The following ATP1A1 variants were observed in gnomAD, a reference collection of about 807,000 sequenced individuals.
ATP1A1 encodes the protein ATPase Na+/K+ transporting subunit alpha 1, also known as sodium/potassium-transporting ATPase subunit alpha-1.
In ATP1A1, 14 loss-of-function variants were observed where a neutral mutation model predicts 114.8. The ratio of observed to expected loss-of-function variants is 0.12; its 90% CI spans 0.08 to 0.19. The LOEUF (loss-of-function observed/expected upper bound fraction) is 0.19. ATP1A1 is among the 10% of genes least tolerant of loss of function. The probability of loss-of-function intolerance (pLI) is 1.00; values close to 1 mark genes in which losing one functional copy is unlikely to be tolerated. For missense variants in ATP1A1, 524 were observed against 1,290.7 expected (o/e 0.41, Z 9.10); for synonymous variants, 471 against 466.3 (o/e 1.01, Z -0.13).
At chr1:116,400,591 T>G (rs1484623023) in intron 18 of ATP1A1, among the ~76,000 whole-genome samples, 2 of 152,166 alleles carry the variant, frequency 1.3e-5, no homozygotes. Context: ...AGGTGGGCAT[T>G]TTGAGAGCAA....
At chr1:116,379,408 G>A (rs950385269) in intron 1 of ATP1A1, among the ~76,000 whole-genome samples, 1 of 152,234 alleles carries the variant, frequency 6.6e-6, no homozygotes, top group Non-Finnish European at 1.5e-5. Flanking sequence ...GTGATGTGCT[G>A]CTGCTGGGGC....
intron 1 of ATP1A1, chr1:116,374,258 T>C (rs1651203267): frequency 6.4e-7 from 1 of 1,551,752 alleles, no homozygotes; most frequent in Non-Finnish European, 8.7e-7. Context: ...TTTTGAGGGC[T>C]TTCTTGGGCC....
Position 116,396,502 on chromosome 1 carries a change from G to A in ATP1A1, c.1837-96G>A, listed in dbSNP as rs879250256. 3.5e-5 allele frequency: 51 copies of A among 1,451,006 alleles called. 1 individual carries two copies. The South Asian group carries it at 3.6e-4, about 10-fold the overall frequency. The allele number at this position is 1,451,006 out of a possible 1,614,324, so 89.9% of individuals were successfully genotyped here. On this transcript the variant is annotated intron_variant, in intron 13 of 22. Coordinates refer to ENST00000295598, the MANE Select transcript of ATP1A1 (RefSeq NM_000701.8). ...TCCTTTCCTTTTGATAGTCTAAGCC[G>A]AATCATCCTTAGTATTTACTCTTGC...
Position 116,389,682 on chromosome 1 carries a change from C to T in ATP1A1, c.998C>T (p.Pro333Leu), listed in dbSNP as rs1401759980. The change falls in exon 8 of 23, where the codon CCG becomes CTG. Residue 333 changes from proline to leucine, a missense_variant. Coordinates refer to ENST00000295598, the MANE Select transcript of ATP1A1 (RefSeq NM_000701.8). This position sits in a 1 kb window ranked among gnomAD's most constrained non-coding sequence, Gnocchi z 6.9. ...ATCGGTATCATCGTAGCCAATGTGC[C>T]GGAAGGTTTGCTGGCCACTGTCACG... ...FLIGIIVANV[P>L]EGLLATVTVC... 1 of 1,614,160 alleles carries T rather than the reference C, an allele frequency of 6.2e-7. No individual in the cohort carries two copies. Among genetic ancestry groups the T allele is most frequent in the Non-Finnish European group, 8.5e-7 (1 of 1,180,032 alleles).
In ATP1A1 at chr1:116,401,447, G is replaced by A; in HGVS notation, c.2850-107G>A. 7.0e-7 allele frequency: 1 copy of A among 1,421,754 alleles called. No individual in the cohort carries two copies. The highest frequency in any genetic ancestry group is 2.3e-5 in the East Asian group (1 of 43,752). 88.1% of individuals were successfully genotyped at this position (1,421,754 alleles called of 1,614,324 possible). On this transcript the variant is annotated intron_variant, in intron 20 of 22. Transcript: ENST00000295598. This position sits in a 1 kb window ranked among gnomAD's most constrained non-coding sequence, Gnocchi z 4.7. The stretch of plus-strand genomic sequence containing the variant: ...TTTCATCTGACCTCCAAGTTTTCAA[G>A]TACAGCTAATACATAAAGATGTTGA...
chr1:116,384,561 G>A lies in ATP1A1; in HGVS notation c.124-222G>A, dbSNP rs561602972. 5.9e-5 allele frequency among the ~76,000 whole-genome samples: 9 copies of A among 152,268 alleles called. No homozygotes were observed. Among genetic ancestry groups the A allele is most frequent in the Admixed American group, 2.6e-4 (4 of 15,298 alleles). ...GTTATGGCAAATAGTAATGGGCCAC[G>A]GTCACTCAGCTTTAGCCATTCTCCA... On this transcript the variant is annotated intron_variant, in intron 2 of 22. Transcript: ENST00000295598. This position sits in a 1 kb window ranked among gnomAD's most constrained non-coding sequence, Gnocchi z 5.1.
chr1:116,378,556 T>C (rs767186094), intron 1 of ATP1A1, among the ~76,000 whole-genome samples: 4 of 152,176 alleles, frequency 2.6e-5, no homozygotes, highest in Non-Finnish European at 5.9e-5. Flanking sequence ...TCTAGTCTGT[T>C]ACCATGTAGG....
In ATP1A1 at chr1:116,393,008, C is replaced by T; in HGVS notation, c.1467+20C>T. The stretch of plus-strand genomic sequence containing the variant: ...TACCAGGTCTGAAGATCGATGGGTA[C>T]ACGGAGGGCGAGGGCAAGCTGGGGG... On this transcript the variant is annotated intron_variant, in intron 11 of 22. Coordinates refer to ENST00000295598, the MANE Select transcript of ATP1A1 (RefSeq NM_000701.8). This position sits in a 1 kb window ranked among gnomAD's most constrained non-coding sequence, Gnocchi z 5.0. 1 of 1,612,728 alleles carries T rather than the reference C, an allele frequency of 6.2e-7. No individual in the cohort carries two copies. The highest frequency in any genetic ancestry group is 8.5e-7 in the Non-Finnish European group (1 of 1,179,312).
rs779635958 is a variant in ATP1A1 at position 116,387,256 on chromosome 1, G to GT, written c.184-29dup. On this transcript the variant is annotated intron_variant, in intron 3 of 22. Transcript: ENST00000295598. This position sits in a 1 kb window ranked among gnomAD's most constrained non-coding sequence, Gnocchi z 6.7. ...ATATTGCCTTGTAAGTGCTGGTACA[G>GT]TTTGCCTTATTTATATTCCACTGCT... 1.9e-6 allele frequency: 3 copies of GT among 1,612,594 alleles called. No individual in the cohort carries two copies. The African/African-American group carries it at 4.0e-5, about 22-fold the overall frequency.
rs745674065 is a variant in ATP1A1 at position 116,388,278 on chromosome 1, C to T, written c.501+34C>T. 2.7e-6 allele frequency: 4 copies of T among 1,480,662 alleles called. No individual in the cohort carries two copies. The highest frequency in any genetic ancestry group is 3.8e-6 in the Non-Finnish European group (4 of 1,059,016). 91.7% of individuals were successfully genotyped at this position (1,480,662 alleles called of 1,614,324 possible). Reference sequence around the variant, plus strand: ...CGCTTTGTCCTTCCCCAGTGGATGACTTGACAGCCCCAAGCATGTCAGCCT... The same window carrying T: ...CGCTTTGTCCTTCCCCAGTGGATGATTTGACAGCCCCAAGCATGTCAGCCT... On this transcript the variant is annotated intron_variant, in intron 5 of 22. Transcript: ENST00000295598. This position sits in a 1 kb window ranked among gnomAD's most constrained non-coding sequence, Gnocchi z 5.6.
At chr1:116,402,512 C>T (rs1653577087) in intron 21 of ATP1A1, among the ~76,000 whole-genome samples, 1 of 152,198 alleles carries the variant, frequency 6.6e-6, no homozygotes, top group South Asian at 2.1e-4. Context: ...TAACCAAAAC[C>T]CATCAGCCTC....
Position 116,373,507 on chromosome 1 carries a change from C to A in ATP1A1, c.-5C>A, listed in dbSNP as rs777532956. On this transcript the variant is annotated 5_prime_UTR_variant, in exon 1 of 23. Transcript: ENST00000295598. ...ACCCGGCGCCGGGCACTGAGCACCG[C>A]CACCATGGGGAAGGGGGTGAGTGTC... 6.7e-7 allele frequency: 1 copy of A among 1,503,528 alleles called. No homozygotes were observed. The highest frequency in any genetic ancestry group is 8.9e-7 in the Non-Finnish European group (1 of 1,127,074). The allele number at this position is 1,503,528 out of a possible 1,614,324, so 93.1% of individuals were successfully genotyped here.
At position 116,373,405 on chromosome 1, in the gene ATP1A1, T is replaced by C. The variant is rs746520392; in HGVS notation, c.-107T>C. The C allele has an allele frequency of 2.0e-6, 1 of 494,062 alleles. No homozygotes were observed. Among genetic ancestry groups the C allele is most frequent in the Non-Finnish European group, 3.4e-6 (1 of 293,798 alleles). 30.6% of individuals were successfully genotyped at this position (494,062 alleles called of 1,614,324 possible). A position where few individuals can be genotyped will look rare whatever the true frequency, so the allele number is the denominator to read the frequency against. ...CCGCCCCGCGGCAGCCCTAGCTCCC[T>C]CCACTTGGCTCCCCTGGTCCCGCTC... On this transcript the variant is annotated 5_prime_UTR_variant, in exon 1 of 23. Coordinates refer to ENST00000295598, the MANE Select transcript of ATP1A1 (RefSeq NM_000701.8).
chr1:116,396,410 T>A (rs1209335937), intron 13 of ATP1A1, among the ~76,000 whole-genome samples, 188 bp from the exon 14 acceptor site: 1 of 152,134 alleles, frequency 6.6e-6, no homozygotes, highest in Non-Finnish European at 1.5e-5. Flanking sequence ...GCCTTTGTGT[T>A]TCCTTTCTGT....
chr1:116,388,070 A>T lies in ATP1A1; in HGVS notation c.388-61A>T. The T allele has an allele frequency of 9.2e-7, 1 of 1,092,100 alleles. No homozygotes were observed. Among genetic ancestry groups the T allele is most frequent in the Non-Finnish European group, 1.4e-6 (1 of 734,894 alleles). 67.7% of individuals were successfully genotyped at this position (1,092,100 alleles called of 1,614,324 possible). On this transcript the variant is annotated intron_variant, in intron 4 of 22. Coordinates refer to ENST00000295598, the MANE Select transcript of ATP1A1 (RefSeq NM_000701.8). This position sits in a 1 kb window ranked among gnomAD's most constrained non-coding sequence, Gnocchi z 5.6. ...CTGTTTTTTATTCAGTCAAAAAATT[A>T]ATTGAATGTCCCTAATTATTGTGTA... is the stretch of plus-strand genomic sequence containing the variant.
chr1:116,373,950 C>T, intron 1 of ATP1A1: 2 of 1,349,344 alleles, frequency 1.5e-6, no homozygotes, highest in Non-Finnish European at 1.9e-6. Flanking sequence ...CCTTCTCCTT[C>T]CTTTTCCCTC....
rs74111869 is a variant in ATP1A1, at chr1:116,395,394, A to C, written c.1836+109A>C. The C allele has an allele frequency of 1.7e-4, 208 of 1,199,278 alleles. 1 individual carries two copies. The African/African-American group carries it at 3.0e-3, about 17-fold the overall frequency. 74.3% of individuals were successfully genotyped at this position (1,199,278 alleles called of 1,614,324 possible). A position where few individuals can be genotyped will look rare whatever the true frequency, so the allele number is the denominator to read the frequency against. ...TGGCCAGCTGTTCTATCTCACCTGGAGTATTAATTTCTCATCTCCAAAGCT... is the reference window on the plus strand; with the variant it reads ...TGGCCAGCTGTTCTATCTCACCTGGCGTATTAATTTCTCATCTCCAAAGCT... On this transcript the variant is annotated intron_variant, in intron 13 of 22. Coordinates refer to ENST00000295598, the MANE Select transcript of ATP1A1 (RefSeq NM_000701.8). The surrounding 1 kb of genome is among the most constrained non-coding windows in gnomAD (Gnocchi z 6.4).
intron 1 of ATP1A1, chr1:116,374,038 C>A: frequency 1.4e-6 from 2 of 1,407,640 alleles, no homozygotes; most frequent in Non-Finnish European, 9.2e-7. Context: ...CCCGGGCCTC[C>A]GTTCCCGCCG....
In ATP1A1 at chr1:116,399,608, C is replaced by T. The variant is rs1185343974; in HGVS notation, c.2572+65C>T. 1 of 1,599,096 alleles carries T rather than the reference C, an allele frequency of 6.3e-7. No homozygotes were observed. The highest frequency in any genetic ancestry group is 2.2e-5 in the East Asian group (1 of 44,720). ...GCATCTGAGGTGATGGTGTCCACCT[C>T]AGGTTGAGGTTGATTTCAGAGACTG... On this transcript the variant is annotated intron_variant, in intron 18 of 22. Coordinates refer to ENST00000295598, the MANE Select transcript of ATP1A1 (RefSeq NM_000701.8). This position sits in a 1 kb window ranked among gnomAD's most constrained non-coding sequence, Gnocchi z 5.0.
Sources: gnomAD v4.1 joint callset for allele counts (sites outside exome capture counted in the v4.1 genomes callset) on GRCh38, gnomAD v4.1.1 for gene constraint, Gnocchi (gnomAD v3.1) non-coding constraint, MANE v1.5 for transcripts, NCBI Gene and HGNC (gene_info 2026-07-23, HGNC 2026-07-21) for gene names.